The following WWOX variants were observed in gnomAD, a reference collection of about 807,000 sequenced individuals.
WWOX encodes WW domain-containing oxidoreductase.
In WWOX, 69 loss-of-function variants were observed where a neutral mutation model predicts 46.2. The ratio of observed to expected loss-of-function variants is 1.49; its 90% CI spans 1.23 to 1.82. The LOEUF is 1.82. Among genes scored for constraint, WWOX ranks in the 40% most tolerant of loss-of-function variants. WWOX has a pLI of 0.00. For synonymous variants in WWOX, 359 were observed against 202.6 expected (o/e 1.77, Z -6.56); for missense variants, 919 against 542.6 (o/e 1.69, Z -6.89).
chr16:78,704,187 CCT>C (rs2048285180), intron 8 of WWOX, among the ~76,000 whole-genome samples: 1 of 152,034 alleles, frequency 6.6e-6, no homozygotes, highest in South Asian at 2.1e-4. Flanking sequence ...AACTATGTAA[CCT>C]CTCTGAGCCT....
chr16:78,481,888 T>C (rs1214994896), intron 8 of WWOX, among the ~76,000 whole-genome samples: 2 of 152,062 alleles, frequency 1.3e-5, no homozygotes, highest in African/African-American at 4.8e-5. Context: ...TAAAATAAAA[T>C]AAATAACTTT....
At chr16:78,321,420 G>GT (rs2080479361) in intron 5 of WWOX, among the ~76,000 whole-genome samples, 1 of 126,802 alleles carries the variant, frequency 7.9e-6, no homozygotes, top group Non-Finnish European at 1.6e-5. Context: ...ATATATGTGT[G>GT]TATATATATA....
At chr16:78,614,813 C>T (rs1386487058) in intron 8 of WWOX, among the ~76,000 whole-genome samples, 1 of 152,152 alleles carries the variant, frequency 6.6e-6, no homozygotes, top group Admixed American at 6.5e-5. Flanking sequence ...AAGTTAACTT[C>T]TGGAATGCAT....
intron 8 of WWOX, among the ~76,000 whole-genome samples, chr16:78,960,984 C>T (rs1024396045): frequency 2.4e-4 from 37 of 152,246 alleles, no homozygotes; most frequent in South Asian, 6.2e-4. Flanking sequence ...ATGTATTCTC[C>T]ATGGAGTATC....
At chr16:78,233,524 ATT>A (rs36007148) in intron 5 of WWOX, among the ~76,000 whole-genome samples, 58,814 of 125,404 alleles carry the variant, frequency 0.47, 12,955 homozygotes, top group Admixed American at 0.61. Context: ...TGATGATTAA[ATT>A]TTTTTTTTTT....
rs145293540 is a variant in WWOX at position 78,948,414 on chromosome 16, C to G, written c.1057-263194C>G. 7.4e-4 allele frequency among the ~76,000 whole-genome samples: 113 copies of G among 152,274 alleles called. 1 individual carries two copies. Among genetic ancestry groups the G allele is most frequent in the Middle Eastern group, 3.4e-3 (1 of 294 alleles). The stretch of plus-strand genomic sequence containing the variant: ...CAGAACTTGTATCTTTTCTGGGTGG[C>G]TAGACTGAAAAATCCATTTTCTTGT... On this transcript the variant is annotated intron_variant, in intron 8 of 8. Transcript: ENST00000566780.
chr16:79,171,882 A>C (rs1042202188), intron 8 of WWOX, among the ~76,000 whole-genome samples: 2 of 152,222 alleles, frequency 1.3e-5, no homozygotes, highest in African/African-American at 4.8e-5. Flanking sequence ...AAGCTTTTAA[A>C]ATCTGAAATC....
At chr16:78,248,138 C>G (rs1406044481) in intron 5 of WWOX, among the ~76,000 whole-genome samples, 2 of 152,090 alleles carry the variant, frequency 1.3e-5, no homozygotes, top group Non-Finnish European at 2.9e-5. Flanking sequence ...TTAAAAGACA[C>G]CTTTAATTGG....
chr16:78,870,879 G>C (rs1214380580), intron 8 of WWOX, among the ~76,000 whole-genome samples: 2 of 152,246 alleles, frequency 1.3e-5, no homozygotes, highest in Non-Finnish European at 2.9e-5. Context: ...TAGGATTATA[G>C]GCATGAGCCA....
At chr16:78,160,571 T>C (rs1182009205) in intron 4 of WWOX, among the ~76,000 whole-genome samples, 1 of 152,236 alleles carries the variant, frequency 6.6e-6, no homozygotes, top group Non-Finnish European at 1.5e-5. Context: ...TAATGTCTTA[T>C]TTATTTATAC....
intron 8 of WWOX, among the ~76,000 whole-genome samples, chr16:79,136,129 C>G (rs139008450): frequency 1.3e-5 from 2 of 152,156 alleles, no homozygotes; most frequent in East Asian, 1.9e-4. Context: ...TAGTCAACGT[C>G]CAACTGCCAA....
chr16:78,410,738 G>A (rs569556873), intron 6 of WWOX, among the ~76,000 whole-genome samples: 66 of 151,064 alleles, frequency 4.4e-4, no homozygotes, highest in African/African-American at 1.6e-3. Flanking sequence ...AACAGGAGGC[G>A]GAGGTTGTGG....
intron 5 of WWOX, among the ~76,000 whole-genome samples, chr16:78,244,164 T>C (rs1363163540): frequency 6.6e-6 from 1 of 152,170 alleles, no homozygotes; most frequent in Non-Finnish European, 1.5e-5. Flanking sequence ...AACCTCAGCA[T>C]CCCTGTGGGT....
At chr16:79,105,803 C>T (rs2049297210) in intron 8 of WWOX, among the ~76,000 whole-genome samples, 1 of 152,082 alleles carries the variant, frequency 6.6e-6, no homozygotes, top group Non-Finnish European at 1.5e-5. Context: ...CCTGAGACTA[C>T]AGGCAGTCAC....
intron 8 of WWOX, among the ~76,000 whole-genome samples, chr16:78,682,241 C>T (rs891422598): frequency 6.6e-6 from 1 of 152,186 alleles, no homozygotes; most frequent in African/African-American, 2.4e-5. Flanking sequence ...TGCCACTCTT[C>T]TGTCATGAAA....
At chr16:78,273,808 G>A (rs2079527772) in intron 5 of WWOX, among the ~76,000 whole-genome samples, 1 of 152,216 alleles carries the variant, frequency 6.6e-6, no homozygotes, top group African/African-American at 2.4e-5. Flanking sequence ...GGCTTGGACA[G>A]TGTATTGTGT....
intron 8 of WWOX, among the ~76,000 whole-genome samples, chr16:78,489,574 C>A (rs12933259): frequency 0.35 from 53,637 of 151,920 alleles, 11,874 homozygotes; most frequent in Middle Eastern, 0.52. Flanking sequence ...CATGTTTGAG[C>A]ATTTAAACTG....
intron 5 of WWOX, among the ~76,000 whole-genome samples, chr16:78,378,158 T>C (rs546141464): frequency 9.3e-4 from 141 of 151,510 alleles, no homozygotes; most frequent in Middle Eastern, 3.4e-3. Context: ...AGGGCTTTGC[T>C]AGGGATCATT....
intron 8 of WWOX, among the ~76,000 whole-genome samples, chr16:78,599,208 G>T (rs2151614203): frequency 6.6e-6 from 1 of 152,236 alleles, no homozygotes; most frequent in Admixed American, 6.5e-5. Flanking sequence ...TCCAAGAATG[G>T]GTCTGCGTCT....
Sources: gnomAD v4.1 joint callset for allele counts (sites outside exome capture counted in the v4.1 genomes callset) on GRCh38, gnomAD v4.1.1 for gene constraint, MANE v1.5 for transcripts, NCBI Gene and HGNC (gene_info 2026-07-23, HGNC 2026-07-21) for gene names.